The following ARSB variants were observed in gnomAD, a reference collection of about 807,000 sequenced individuals.
ARSB encodes arylsulfatase B.
ARSB carries 41 observed loss-of-function variants against 50.9 expected under a neutral mutation model. The ratio of observed to expected loss-of-function variants is 0.81; its 90% CI spans 0.63 to 1.04. The LOEUF (loss-of-function observed/expected upper bound fraction) is 1.04. ARSB is among the 50% of genes least tolerant of loss of function. The probability of loss-of-function intolerance (pLI) is 0.00; values close to 1 mark genes in which losing one functional copy is unlikely to be tolerated. For missense variants in ARSB, 672 were observed against 693.3 expected (o/e 0.97, Z 0.35); for synonymous variants, 269 against 284.8 (o/e 0.94, Z 0.56).
At chr5:78,979,958 T>C (rs1271425343) in intron 1 of ARSB, among the ~76,000 whole-genome samples, 4 of 152,176 alleles carry the variant, frequency 2.6e-5, no homozygotes, top group Non-Finnish European at 5.9e-5. Flanking sequence ...TGGAATATTA[T>C]TGAGCCATAA....
At position 78,822,915 on chromosome 5, in the gene ARSB, C is replaced by T. The variant is rs540974870; in HGVS notation, c.1213+16441G>A. ...CCTCCCAAAGTGCTGGGATTACAGG[C>T]GTGAGCCAACACGCCTGGCCTCTAA... is the stretch of plus-strand genomic sequence containing the variant. On this transcript the variant is annotated intron_variant, in intron 6 of 7. Coordinates refer to ENST00000264914, the MANE Select transcript of ARSB (RefSeq NM_000046.5). Among the ~76,000 whole-genome samples, 17 of 152,290 alleles carry T rather than the reference C, an allele frequency of 1.1e-4. No homozygotes were observed. The East Asian group carries it at 1.5e-3, about 14-fold the overall frequency.
intron 3 of ARSB, among the ~76,000 whole-genome samples, chr5:78,959,679 C>T (rs947183887): frequency 2.0e-5 from 3 of 152,090 alleles, no homozygotes; most frequent in Admixed American, 1.3e-4. Flanking sequence ...ATTTCCATCC[C>T]ATACTACAAA....
chr5:78,798,766 C>T (rs902461554), intron 6 of ARSB, among the ~76,000 whole-genome samples: 2 of 152,184 alleles, frequency 1.3e-5, no homozygotes, highest in African/African-American at 4.8e-5. Context: ...CTTGGTGATG[C>T]CATCCCTCCT....
At chr5:78,854,889 G>A (rs10805921) in intron 5 of ARSB, among the ~76,000 whole-genome samples, 19,128 of 151,916 alleles carry the variant, frequency 0.13, 1,407 homozygotes, top group Middle Eastern at 0.21. Flanking sequence ...TTGGTACTTT[G>A]AATACATCAT....
At chr5:78,826,053 C>CT (rs35428296) in intron 6 of ARSB, among the ~76,000 whole-genome samples, 29,184 of 145,344 alleles carry the variant, frequency 0.2, 2,964 homozygotes, top group South Asian at 0.28. Context: ...CTTTTTCTTT[C>CT]TTTTTTTTTT....
intron 2 of ARSB, among the ~76,000 whole-genome samples, chr5:78,965,427 A>G (rs1752162096): frequency 6.6e-6 from 1 of 152,172 alleles, no homozygotes; most frequent in African/African-American, 2.4e-5. Flanking sequence ...AAATCTATAG[A>G]GACAGAAAAT....
At chr5:78,891,115 GA>G (rs1580007792) in intron 4 of ARSB, among the ~76,000 whole-genome samples, 1 of 152,306 alleles carries the variant, frequency 6.6e-6, no homozygotes, top group East Asian at 1.9e-4. Flanking sequence ...AGGGCTCAAT[GA>G]TTTGGAGGAA....
intron 4 of ARSB, among the ~76,000 whole-genome samples, chr5:78,926,077 A>T (rs1220020107): frequency 2.0e-5 from 3 of 152,216 alleles, no homozygotes; most frequent in Non-Finnish European, 4.4e-5. Context: ...TCTAATGATT[A>T]AAATTTCAAA....
chr5:78,916,548 T>C (rs2112335413), intron 4 of ARSB, among the ~76,000 whole-genome samples: 1 of 152,300 alleles, frequency 6.6e-6, no homozygotes. Context: ...AAGACATCTT[T>C]CTCTTATTGA....
chr5:78,867,240 G>T (rs1291233509), intron 5 of ARSB, among the ~76,000 whole-genome samples: 1 of 152,214 alleles, frequency 6.6e-6, no homozygotes, highest in Non-Finnish European at 1.5e-5. Context: ...GAGGCTGGGG[G>T]AGAGGCGCCC....
chr5:78,821,158 G>A (rs920489952), intron 6 of ARSB, among the ~76,000 whole-genome samples: 4 of 152,048 alleles, frequency 2.6e-5, no homozygotes, highest in East Asian at 1.9e-4. Flanking sequence ...TATCTGAGAC[G>A]GAGTTTTGCT....
intron 5 of ARSB, among the ~76,000 whole-genome samples, chr5:78,875,369 A>C (rs75739612): frequency 0.017 from 2,589 of 152,242 alleles, 65 homozygotes; most frequent in African/African-American, 0.059. Flanking sequence ...AATAATATTA[A>C]TATTCTAACA....
intron 1 of ARSB, 131 bp from the exon 2 acceptor site, chr5:78,969,323 G>T (rs968889496): frequency 1.0e-6 from 1 of 970,472 alleles, no homozygotes; most frequent in Non-Finnish European, 1.6e-6. Context: ...GTACTGGCTT[G>T]AGGATATTTC....
At chr5:78,911,042 T>G (rs923372890) in intron 4 of ARSB, among the ~76,000 whole-genome samples, 3 of 152,192 alleles carry the variant, frequency 2.0e-5, no homozygotes, top group African/African-American at 7.2e-5. Context: ...GATTCAAGTG[T>G]CAAGTGTGGT....
At chr5:78,962,473 G>A (rs1289637376) in intron 3 of ARSB, among the ~76,000 whole-genome samples, 5 of 151,476 alleles carry the variant, frequency 3.3e-5, no homozygotes, top group East Asian at 1.9e-4. Flanking sequence ...AAAGTGGGAC[G>A]CAGCTGAGGA....
intron 5 of ARSB, among the ~76,000 whole-genome samples, chr5:78,872,897 C>A (rs1348971399): frequency 1.3e-5 from 2 of 151,334 alleles, no homozygotes; most frequent in African/African-American, 4.9e-5. Flanking sequence ...GCTCTTGAAG[C>A]ACCTGAAGTA....
At chr5:78,960,554 C>A (rs1751934944) in intron 3 of ARSB, among the ~76,000 whole-genome samples, 1 of 152,026 alleles carries the variant, frequency 6.6e-6, no homozygotes, top group Non-Finnish European at 1.5e-5. Flanking sequence ...AAAGTGCTGA[C>A]ATGGGGGTGT....
At chr5:78,872,312 C>T (rs1747240733) in intron 5 of ARSB, among the ~76,000 whole-genome samples, 1 of 151,492 alleles carries the variant, frequency 6.6e-6, no homozygotes, top group Admixed American at 6.6e-5. Context: ...CATCCCATTA[C>T]TGGGCATATA....
chr5:78,947,509 C>T (rs112413963), intron 4 of ARSB, among the ~76,000 whole-genome samples: 1,636 of 152,194 alleles, frequency 0.011, 34 homozygotes, highest in African/African-American at 0.037. Flanking sequence ...GACATATAAA[C>T]GGCAAACAGG....
Sources: gnomAD v4.1 joint callset for allele counts (sites outside exome capture counted in the v4.1 genomes callset) on GRCh38, gnomAD v4.1.1 for gene constraint, MANE v1.5 for transcripts, NCBI Gene and HGNC (gene_info 2026-07-23, HGNC 2026-07-21) for gene names.